The following ATP9B variants were observed in gnomAD, a reference collection of about 807,000 sequenced individuals.
ATP9B encodes ATPase phospholipid transporting 9B.
Under a neutral mutation model 146.1 loss-of-function variants are expected in ATP9B, and 110 were observed. That is an observed-to-expected ratio of 0.75 (90% CI 0.65 to 0.88). ATP9B has a LOEUF of 0.88. ATP9B is among the 40% of genes least tolerant of loss of function. The pLI is 0.00. For missense variants in ATP9B, 1,499 were observed against 1,496.4 expected, an observed-to-expected ratio of 1.00 and a Z score of -0.03; for synonymous variants, 604 against 569.7, an observed-to-expected ratio of 1.06 and a Z score of -0.86.
intron 8 of ATP9B, among the ~76,000 whole-genome samples, chr18:79,180,980 T>TG (rs2095245493): frequency 6.6e-6 from 1 of 151,602 alleles, no homozygotes; most frequent in African/African-American, 2.4e-5. Flanking sequence ...TTTTTGTTTT[T>TG]TTTTTTTTTA....
intron 13 of ATP9B, among the ~76,000 whole-genome samples, chr18:79,285,350 T>C (rs1237483061): frequency 6.6e-6 from 1 of 152,230 alleles, no homozygotes; most frequent in East Asian, 1.9e-4. Context: ...GTGGTTTTGA[T>C]TTGCATTTCT....
intron 11 of ATP9B, among the ~76,000 whole-genome samples, chr18:79,222,483 G>A (rs2095689616): frequency 6.6e-6 from 1 of 152,196 alleles, no homozygotes. Flanking sequence ...AACATCAGCA[G>A]CAGAGCTACC....
At chr18:79,342,451 T>TAGTG in intron 20 of ATP9B, 85 bp downstream of exon 20, 1 of 860,456 alleles carries the variant, frequency 1.2e-6, no homozygotes, top group Non-Finnish European at 1.8e-6. Context: ...AATATATATT[T>TAGTG]ATTAATCACT....
At chr18:79,138,957 A>G (rs942725337) in intron 5 of ATP9B, among the ~76,000 whole-genome samples, 1 of 152,016 alleles carries the variant, frequency 6.6e-6, no homozygotes, top group Middle Eastern at 3.4e-3. Context: ...AGTCCCATCT[A>G]CTCCAGAGGC....
chr18:79,071,399 CTTTTTTTT>C (rs56119715), intron 1 of ATP9B, among the ~76,000 whole-genome samples: 6 of 69,268 alleles, frequency 8.7e-5, no homozygotes, highest in Non-Finnish European at 2.8e-5. Context: ...ATTGTTCTTC[CTTTTTTTT>C]TTTTTTGAGA....
In ATP9B at chr18:79,176,832, T is replaced by C. The variant is rs963483161; in HGVS notation, c.798T>C (p.Thr266=). Residue 266 remains threonine, a synonymous_variant, in exon 8 of 30, where the codon ACT becomes ACC. Transcript: ENST00000426216. ...SEKAGSCFIR[T]DQLDGETDWK... ...TCCAAGGTTCGTGTTTTATTCGAAC[T>C]GATCAACTAGATGGTGAAACTGACT... The C allele has an allele frequency of 2.7e-5, 44 of 1,613,984 alleles. No homozygotes were observed. Among genetic ancestry groups the C allele is most frequent in the Non-Finnish European group, 3.6e-5 (43 of 1,179,986 alleles).
At chr18:79,291,824 T>C (rs1680871985) in intron 13 of ATP9B, among the ~76,000 whole-genome samples, 1 of 152,206 alleles carries the variant, frequency 6.6e-6, no homozygotes, top group Non-Finnish European at 1.5e-5. Flanking sequence ...CGCTCTCTTA[T>C]TCCACTCTCA....
chr18:79,336,817 C>A, intron 18 of ATP9B, 106 bp downstream of exon 18: 1 of 1,200,950 alleles, frequency 8.3e-7, no homozygotes, highest in Non-Finnish European at 1.2e-6. Flanking sequence ...TCGCTATAGT[C>A]TAGGAGTGAA....
In ATP9B at chr18:79,342,251, T is replaced by C; in HGVS notation, c.2284-17T>C. 1 of 1,592,442 alleles carries C rather than the reference T, an allele frequency of 6.3e-7. No individual in the cohort carries two copies. The highest frequency in any genetic ancestry group is 8.6e-7 in the Non-Finnish European group (1 of 1,160,990). On this transcript the variant is annotated splice_polypyrimidine_tract_variant and intron_variant, in intron 19 of 29. Transcript: ENST00000426216. ...TCCTTGTCTTGTTGAAATTCACCAGTTTAAATTGTTCCCTAGATATGGATG... is the reference window on the plus strand; with the variant it reads ...TCCTTGTCTTGTTGAAATTCACCAGCTTAAATTGTTCCCTAGATATGGATG...
intron 1 of ATP9B, among the ~76,000 whole-genome samples, chr18:79,080,862 G>T (rs1165064235): frequency 3.9e-5 from 6 of 152,188 alleles, no homozygotes; most frequent in African/African-American, 1.4e-4. Flanking sequence ...GGCCTTTTCT[G>T]CATCTATTGA....
At position 79,268,585 on chromosome 18, in the gene ATP9B, C is replaced by T. The variant is rs74483512; in HGVS notation, c.1269-8469C>T. ...AAAGTCAGTTCCCTTAAGCATTTAA[C>T]TTAATTTGCTCCCTTCTGGACTTAC... On this transcript the variant is annotated intron_variant, in intron 12 of 29. Transcript: ENST00000426216. Among the ~76,000 whole-genome samples, 1,413 of 152,290 alleles carry T rather than the reference C, an allele frequency of 9.3e-3. 51 individuals are homozygous for T. The highest frequency in any genetic ancestry group is 0.068 in the Admixed American group (1,042 of 15,288).
intron 29 of ATP9B, 146 bp downstream of exon 29, chr18:79,375,572 G>A (rs1205518290): frequency 2.0e-6 from 3 of 1,474,318 alleles, no homozygotes; most frequent in Non-Finnish European, 2.7e-6. Flanking sequence ...TGGTGGCCAT[G>A]TGCTTGCTCG....
chr18:79,199,855 A>T (rs1044286582), intron 9 of ATP9B, among the ~76,000 whole-genome samples: 4 of 151,792 alleles, frequency 2.6e-5, no homozygotes, highest in Non-Finnish European at 5.9e-5. Flanking sequence ...CCTCCTACAC[A>T]TTTTGTCCTG....
intron 19 of ATP9B, 46 bp from the exon 20 acceptor site, chr18:79,342,222 C>T (rs1451053349): frequency 2.2e-5 from 31 of 1,424,428 alleles, no homozygotes; most frequent in Non-Finnish European, 2.8e-5. Context: ...CAGAAATGAA[C>T]GTGTCCTTGT....
At chr18:79,349,949 G>A (rs898667377) in intron 25 of ATP9B, among the ~76,000 whole-genome samples, 8 of 136,644 alleles carry the variant, frequency 5.9e-5, no homozygotes, top group African/African-American at 1.9e-4. Flanking sequence ...TGTATTACCA[G>A]TTAGCGTCCT....
intron 15 of ATP9B, among the ~76,000 whole-genome samples, chr18:79,324,846 G>A (rs967151375): frequency 4.6e-5 from 7 of 152,172 alleles, no homozygotes; most frequent in African/African-American, 1.7e-4. Context: ...TAACTATATG[G>A]TCTTATTTGT....
At chr18:79,167,361 G>C (rs2094985411) in intron 7 of ATP9B, among the ~76,000 whole-genome samples, 1 of 152,198 alleles carries the variant, frequency 6.6e-6, no homozygotes, top group African/African-American at 2.4e-5. Flanking sequence ...GAGACGCTAA[G>C]TGGGTAGCTC....
intron 9 of ATP9B, among the ~76,000 whole-genome samples, chr18:79,194,871 AGG>A (rs2095404334): frequency 1.3e-5 from 2 of 152,236 alleles, no homozygotes; most frequent in Non-Finnish European, 2.9e-5. Context: ...GATATCATCC[AGG>A]TTTTGCACAC....
At chr18:79,122,001 A>G (rs529848459) in intron 4 of ATP9B, among the ~76,000 whole-genome samples, 4 of 152,188 alleles carry the variant, frequency 2.6e-5, no homozygotes, top group African/African-American at 4.8e-5. Context: ...TCTTTAAGCC[A>G]TAAGTTTAAA....
Sources: gnomAD v4.1 joint callset for allele counts (sites outside exome capture counted in the v4.1 genomes callset) on GRCh38, gnomAD v4.1.1 for gene constraint, MANE v1.5 for transcripts, NCBI Gene and HGNC (gene_info 2026-07-23, HGNC 2026-07-21) for gene names.